The following XKR6 variants were observed in gnomAD, a reference collection of about 807,000 sequenced individuals.
The protein encoded by XKR6 is XK-related protein 6.
XKR6 carries 22 observed loss-of-function variants against 56.7 expected under a neutral mutation model. The observed-to-expected ratio is 0.39, with a 90% CI of 0.28 to 0.55. The LOEUF (loss-of-function observed/expected upper bound fraction) is 0.55, where lower values mean the gene tolerates loss of function less well. Among genes scored for constraint, XKR6 ranks in the 20% least tolerant of loss-of-function variants. The probability of loss-of-function intolerance (pLI) is 0.66; values close to 1 mark genes in which losing one functional copy is unlikely to be tolerated. For synonymous variants in XKR6, 524 were observed against 387.8 expected (o/e 1.35, Z -4.13); for missense variants, 852 against 889.0 (o/e 0.96, Z 0.53).
chr8:10,990,461 G>T (rs537618738), intron 1 of XKR6, among the ~76,000 whole-genome samples: 1 of 152,344 alleles, frequency 6.6e-6, no homozygotes, highest in South Asian at 2.1e-4. Context: ...GCAGTAGTTG[G>T]AGAAGAAATA....
At position 11,201,262 on chromosome 8, in the gene XKR6, G is replaced by A. The variant is rs1261270991; in HGVS notation, c.78C>T (p.Ser26=). Reference sequence around the variant, plus strand: ...CGGGCTCCCCGTCCTCCTCGCCGCCGCTGCCCACCGCCTCGTCCAGGTTGT... The same window carrying A: ...CGGGCTCCCCGTCCTCCTCGCCGCCACTGCCCACCGCCTCGTCCAGGTTGT... ...QLHNLDEAVG[S]GGEEDGEPGG... is the part of the protein sequence containing the mutation. The change falls in exon 1 of 3, where the codon AGC becomes AGT. Residue 26 remains serine (S), a synonymous_variant. Coordinates refer to ENST00000416569, the MANE Select transcript of XKR6 (RefSeq NM_173683.4). The A allele has an allele frequency of 1.9e-6, 3 of 1,573,806 alleles. No individual in the cohort carries two copies. The highest frequency in any genetic ancestry group is 1.7e-5 in the Admixed American group (1 of 57,620).
At chr8:11,148,768 A>AT in intron 1 of XKR6, among the ~76,000 whole-genome samples, 1 of 152,244 alleles carries the variant, frequency 6.6e-6, no homozygotes, top group African/African-American at 2.4e-5. Flanking sequence ...TAAACTGCAG[A>AT]CAACACAAGT....
At chr8:11,075,172 T>TG (rs1800239941) in intron 1 of XKR6, among the ~76,000 whole-genome samples, 3 of 152,204 alleles carry the variant, frequency 2.0e-5, no homozygotes, top group Admixed American at 6.5e-5. Flanking sequence ...GCTTGAACTC[T>TG]GGGGAAAAAA....
chr8:10,915,974 T>A (rs191459366), intron 2 of XKR6, among the ~76,000 whole-genome samples: 87 of 152,336 alleles, frequency 5.7e-4, no homozygotes, highest in Admixed American at 5.6e-3. Context: ...GGCACTGCAA[T>A]GCCATGAGCG....
At chr8:10,987,099 G>C (rs1281598518) in intron 1 of XKR6, among the ~76,000 whole-genome samples, 1 of 152,192 alleles carries the variant, frequency 6.6e-6, no homozygotes, top group Non-Finnish European at 1.5e-5. Context: ...CCTTAGCCAA[G>C]TGCATGATAT....
At chr8:11,094,283 G>C (rs1798198217) in intron 1 of XKR6, among the ~76,000 whole-genome samples, 1 of 152,118 alleles carries the variant, frequency 6.6e-6, no homozygotes. Flanking sequence ...CTGTCTCCGG[G>C]GTTCAAGCGA....
Position 11,200,898 on chromosome 8 carries a change from A to G in XKR6, c.442T>C (p.Trp148Arg). 1 of 1,610,676 alleles carries G rather than the reference A, an allele frequency of 6.2e-7. No homozygotes were observed. Among genetic ancestry groups the G allele is most frequent in the Non-Finnish European group, 8.5e-7 (1 of 1,179,294 alleles). ...TTGCGGTAGTAGTCGAGGGCCAGCCACAGGTCGGTGCCCACGTCCCCGAAG... is the reference window on the plus strand; with the variant it reads ...TTGCGGTAGTAGTCGAGGGCCAGCCGCAGGTCGGTGCCCACGTCCCCGAAG... ...VFFGDVGTDL[W>R]LALDYYRKGD... is the part of the protein sequence containing the mutation. The change falls in exon 1 of 3, where the codon TGG becomes CGG. Residue 148 changes from tryptophan to arginine, a missense_variant. Around this residue, in one of 4 missense-constraint regions of XKR6, gnomAD observed 417 missense variants for 355.2 expected, o/e 1.17. Transcript: ENST00000416569. This position sits in a 1 kb window ranked among gnomAD's most constrained non-coding sequence, Gnocchi z 6.4.
intron 1 of XKR6, among the ~76,000 whole-genome samples, chr8:10,931,245 C>T (rs1467931153): frequency 1.3e-5 from 2 of 152,054 alleles, no homozygotes; most frequent in Non-Finnish European, 2.9e-5. Context: ...ATTTGTATGC[C>T]ACAGCTGCAA....
At chr8:11,049,306 T>C (rs1468254684) in intron 1 of XKR6, among the ~76,000 whole-genome samples, 1 of 152,248 alleles carries the variant, frequency 6.6e-6, no homozygotes, top group Non-Finnish European at 1.5e-5. Flanking sequence ...CCAAAACCTC[T>C]ATCTGTTCCC....
At chr8:10,986,219 C>A (rs756386915) in intron 1 of XKR6, among the ~76,000 whole-genome samples, 1 of 152,078 alleles carries the variant, frequency 6.6e-6, no homozygotes, top group Non-Finnish European at 1.5e-5. Context: ...CCAGATGATT[C>A]GACATCTGGA....
chr8:11,052,312 C>T (rs1320384544), intron 1 of XKR6, among the ~76,000 whole-genome samples: 1 of 152,208 alleles, frequency 6.6e-6, no homozygotes, highest in Non-Finnish European at 1.5e-5. Context: ...CACCCCCATC[C>T]CATAAGGCAC....
chr8:10,929,245 G>A (rs1282156062), intron 1 of XKR6, among the ~76,000 whole-genome samples: 2 of 152,330 alleles, frequency 1.3e-5, no homozygotes, highest in Admixed American at 6.5e-5. Context: ...TCTATTATGG[G>A]CATTTGGCAC....
At chr8:10,972,834 G>A (rs1293168057) in intron 1 of XKR6, among the ~76,000 whole-genome samples, 4 of 151,852 alleles carry the variant, frequency 2.6e-5, no homozygotes, top group Admixed American at 6.6e-5. Flanking sequence ...CCACAGAACC[G>A]CACACTTAAA....
At chr8:11,064,748 C>T (rs750408220) in intron 1 of XKR6, among the ~76,000 whole-genome samples, 110 of 152,154 alleles carry the variant, frequency 7.2e-4, no homozygotes, top group Non-Finnish European at 1.0e-3. Context: ...ATAAAAATAA[C>T]TTGTAACGTG....
intron 1 of XKR6, among the ~76,000 whole-genome samples, chr8:11,160,191 C>G (rs938784988): frequency 6.7e-6 from 1 of 149,396 alleles, no homozygotes; most frequent in East Asian, 1.9e-4. Context: ...AGAAAATGTA[C>G]GTCAGAAACA....
chr8:11,176,891 A>G lies in XKR6; in HGVS notation c.764+23685T>C, dbSNP rs560472122. Among the ~76,000 whole-genome samples, 29 of 152,330 alleles carry G rather than the reference A, an allele frequency of 1.9e-4. No homozygotes were observed. The South Asian group carries it at 5.8e-3, about 30-fold the overall frequency. ...AGCAAGATGCCCCTGCCACCAGAGCAACAGAATCCAGCAGTGCCACTGACA... is the reference window on the plus strand; with the variant it reads ...AGCAAGATGCCCCTGCCACCAGAGCGACAGAATCCAGCAGTGCCACTGACA... On this transcript the variant is annotated intron_variant, in intron 1 of 2. Transcript: ENST00000416569.
chr8:11,126,666 C>A (rs185709587), intron 1 of XKR6, among the ~76,000 whole-genome samples: 2 of 152,288 alleles, frequency 1.3e-5, no homozygotes, highest in Non-Finnish European at 2.9e-5. Context: ...CTAATCCTCA[C>A]AGGGTCAACA....
chr8:11,008,149 C>G (rs968251044), intron 1 of XKR6, among the ~76,000 whole-genome samples: 2 of 152,214 alleles, frequency 1.3e-5, no homozygotes, highest in Non-Finnish European at 2.9e-5. Flanking sequence ...GATGCCCTGT[C>G]CTGCTCAAAT....
intron 1 of XKR6, among the ~76,000 whole-genome samples, chr8:10,997,839 G>C (rs150650485): frequency 6.6e-6 from 1 of 152,284 alleles, no homozygotes; most frequent in Non-Finnish European, 1.5e-5. Context: ...TGGAACTGTG[G>C]ACTAGAATGT....
Sources: allele counts gnomAD v4.1 joint callset (sites outside exome capture counted in the v4.1 genomes callset), GRCh38; gene constraint gnomAD v4.1.1; regional missense constraint gnomAD v4.1.1; non-coding constraint Gnocchi (gnomAD v3.1); transcripts MANE v1.5; gene names NCBI Gene and HGNC (gene_info 2026-07-23, HGNC 2026-07-21).